RASSF2: variants seen among roughly 807,000 people sequenced by gnomAD.
RASSF2 encodes ras association domain-containing protein 2.
RASSF2 carries 34 observed loss-of-function variants against 46.3 expected under a neutral mutation model. That is an observed-to-expected ratio of 0.73 (90% CI 0.56 to 0.98). RASSF2 has a LOEUF of 0.98. RASSF2 is among the 50% of genes least tolerant of loss of function. The probability of loss-of-function intolerance (pLI) is 0.00; values close to 1 mark genes in which losing one functional copy is unlikely to be tolerated. For synonymous variants in RASSF2, 158 were observed against 162.5 expected, an observed-to-expected ratio of 0.97 and a Z score of 0.21; for missense variants, 364 against 431.2, an observed-to-expected ratio of 0.84 and a Z score of 1.38.
chr20:4,789,579 C>T lies in RASSF2; in HGVS notation c.639+17G>A, dbSNP rs1925681593. 2 of 1,609,554 alleles carry T rather than the reference C, an allele frequency of 1.2e-6. No individual in the cohort carries two copies. The highest frequency in any genetic ancestry group is 1.7e-6 in the Non-Finnish European group (2 of 1,175,884). On this transcript the variant is annotated intron_variant, in intron 8 of 11. Coordinates refer to ENST00000379400, the MANE Select transcript of RASSF2 (RefSeq NM_014737.3). ...AGCTGTGACCCCATCTGTGGCCACT[C>T]AGCAAAGGGAACTTGCCTTAAATTT...
At chr20:4,821,624 G>T (rs977769489) in intron 2 of RASSF2, among the ~76,000 whole-genome samples, 14 of 152,148 alleles carry the variant, frequency 9.2e-5, no homozygotes, top group African/African-American at 3.1e-4. Context: ...TCCTCCATCT[G>T]CTGAAGGAGG....
At chr20:4,799,400 G>A (rs1005025334) in intron 3 of RASSF2, among the ~76,000 whole-genome samples, 7 of 152,208 alleles carry the variant, frequency 4.6e-5, no homozygotes, top group Admixed American at 6.5e-5. Context: ...TGAGAGGGGC[G>A]AGAGGTGGAG....
chr20:4,799,957 A>T (rs1001395323), intron 3 of RASSF2, among the ~76,000 whole-genome samples: 7 of 152,018 alleles, frequency 4.6e-5, no homozygotes, highest in South Asian at 2.1e-4. Context: ...ACTAAAAATT[A>T]AAAAATTAGC....
Position 4,823,580 on chromosome 20 carries a change from C to G in RASSF2, c.-131G>C, listed in dbSNP as rs2122724300. 1 of 153,042 alleles carries G rather than the reference C, an allele frequency of 6.5e-6. No homozygotes were observed. The highest frequency in any genetic ancestry group is 2.4e-5 in the African/African-American group (1 of 41,592). 9.5% of individuals were successfully genotyped at this position (153,042 alleles called of 1,614,324 possible). A position where few individuals can be genotyped will look rare whatever the true frequency, so the allele number is the denominator to read the frequency against. On this transcript the variant is annotated 5_prime_UTR_variant, in exon 1 of 12. Transcript: ENST00000379400. ...ACCGGATCTGCTCGTCCGCTGTCCT[C>G]TCTTTTCTCTCGCTCTTCATATCAC...
At chr20:4,784,797 G>A (rs541660002) in intron 11 of RASSF2, among the ~76,000 whole-genome samples, 5 of 152,162 alleles carry the variant, frequency 3.3e-5, no homozygotes, top group South Asian at 2.1e-4. Context: ...TGGCAACTTC[G>A]TATGGTTCAA....
Position 4,801,983 on chromosome 20 carries a change from G to A in RASSF2, c.-32-921C>T, listed in dbSNP as rs756333665. Among the ~76,000 whole-genome samples, 12 of 152,028 alleles carry A rather than the reference G, an allele frequency of 7.9e-5. 1 individual carries two copies. Among genetic ancestry groups the A allele is most frequent in the African/African-American group, 2.4e-4 (10 of 41,406 alleles). On this transcript the variant is annotated intron_variant, in intron 2 of 11. Coordinates refer to ENST00000379400, the MANE Select transcript of RASSF2 (RefSeq NM_014737.3). ...TCAAACTCCTGACCTCAGGTGATCCGCCCGCCTCAGCCTCCCAAAGTGCTG... is the reference window on the plus strand; with the variant it reads ...TCAAACTCCTGACCTCAGGTGATCCACCCGCCTCAGCCTCCCAAAGTGCTG...
At position 4,790,004 on chromosome 20, in the gene RASSF2, A is replaced by C. The variant is rs565275687; in HGVS notation, c.538-307T>G. ...ACAAAGCAGGAGGAAAGGAGGGATC[A>C]GCAAGATGGGGTGGGGTGGGTGGTG... On this transcript the variant is annotated intron_variant, in intron 7 of 11. Coordinates refer to ENST00000379400, the MANE Select transcript of RASSF2 (RefSeq NM_014737.3). The surrounding 1 kb of genome is among the most constrained non-coding windows in gnomAD (Gnocchi z 4.3). 6.6e-6 allele frequency among the ~76,000 whole-genome samples: 1 copy of C among 152,288 alleles called. No individual in the cohort carries two copies. The highest frequency in any genetic ancestry group is 1.9e-4 in the East Asian group (1 of 5,174).
intron 2 of RASSF2, among the ~76,000 whole-genome samples, chr20:4,810,074 T>C (rs572769434): frequency 2.0e-5 from 3 of 152,102 alleles, no homozygotes; most frequent in Non-Finnish European, 2.9e-5. Flanking sequence ...ATATCTGAGA[T>C]TGAAGCAACT....
chr20:4,801,888 G>C (rs1381297322), intron 2 of RASSF2, among the ~76,000 whole-genome samples: 1 of 151,518 alleles, frequency 6.6e-6, no homozygotes, highest in Non-Finnish European at 1.5e-5. Context: ...ACAGGTGCCC[G>C]CCATCACGCC....
intron 6 of RASSF2, among the ~76,000 whole-genome samples, chr20:4,791,080 C>T (rs747738801): frequency 2.6e-5 from 4 of 152,160 alleles, no homozygotes; most frequent in Non-Finnish European, 4.4e-5. Context: ...ATGCTAAGTG[C>T]AACAAGCCAA....
At chr20:4,819,951 C>G (rs1040711643) in intron 2 of RASSF2, among the ~76,000 whole-genome samples, 1 of 152,200 alleles carries the variant, frequency 6.6e-6, no homozygotes, top group Non-Finnish European at 1.5e-5. Context: ...TTCCCCAGCC[C>G]CAAGCTGTCA....
At chr20:4,798,363 G>A (rs760995810) in intron 3 of RASSF2, among the ~76,000 whole-genome samples, 12 of 152,248 alleles carry the variant, frequency 7.9e-5, no homozygotes, top group Admixed American at 3.3e-4. Flanking sequence ...CTCGTCTACC[G>A]ACAATACTCC....
At chr20:4,801,998 C>T (rs1383965602) in intron 2 of RASSF2, among the ~76,000 whole-genome samples, 2 of 152,216 alleles carry the variant, frequency 1.3e-5, no homozygotes, top group Non-Finnish European at 1.5e-5. Context: ...CCTCAGCCTC[C>T]CAAAGTGCTG....
chr20:4,784,478 T>A, intron 11 of RASSF2, 136 bp from the exon 12 acceptor site: 1 of 695,830 alleles, frequency 1.4e-6, no homozygotes, highest in Non-Finnish European at 2.5e-6. Flanking sequence ...TTGCTTCCAT[T>A]ACTGACCCCT....
intron 2 of RASSF2, 144 bp from the exon 3 acceptor site, chr20:4,801,206 A>T (rs113117968): frequency 1.6e-6 from 1 of 634,264 alleles, no homozygotes; most frequent in African/African-American, 1.8e-5. Context: ...ACACTGACCC[A>T]AGGCTGTGAG....
At chr20:4,794,689 A>C (rs1926191420) in intron 5 of RASSF2, among the ~76,000 whole-genome samples, 1 of 152,224 alleles carries the variant, frequency 6.6e-6, no homozygotes, top group Non-Finnish European at 1.5e-5. Flanking sequence ...AGCCTGGGAA[A>C]CAGAGTGAGA....
At chr20:4,821,427 TC>T (rs1213414600) in intron 2 of RASSF2, among the ~76,000 whole-genome samples, 2 of 152,030 alleles carry the variant, frequency 1.3e-5, no homozygotes, top group African/African-American at 2.4e-5. Flanking sequence ...ACAGTCCCCT[TC>T]CCCTGGAGGA....
chr20:4,814,944 G>C (rs1272993076), intron 2 of RASSF2, among the ~76,000 whole-genome samples: 2 of 152,218 alleles, frequency 1.3e-5, no homozygotes, highest in African/African-American at 4.8e-5. Flanking sequence ...GGCCCGCAGA[G>C]GCGGCTCTAT....
At chr20:4,800,880 G>T (rs1482469551) in intron 3 of RASSF2, 92 bp downstream of exon 3, 3 of 1,059,228 alleles carry the variant, frequency 2.8e-6, no homozygotes, top group Non-Finnish European at 4.4e-6. Context: ...GATATACAGT[G>T]GGGGGCCCTC....
Sources: allele counts gnomAD v4.1 joint callset (sites outside exome capture counted in the v4.1 genomes callset), GRCh38; gene constraint gnomAD v4.1.1; non-coding constraint Gnocchi (gnomAD v3.1); transcripts MANE v1.5; gene names NCBI Gene and HGNC (gene_info 2026-07-23, HGNC 2026-07-21).